Variants in UGCG observed in about 807,000 individuals in gnomAD.
UGCG encodes ceramide glucosyltransferase.
UGCG carries 10 observed loss-of-function variants against 49.5 expected under a neutral mutation model. The observed-to-expected ratio is 0.20, with a 90% CI of 0.12 to 0.34. The LOEUF is 0.34. UGCG is among the 10% of genes least tolerant of loss of function. UGCG has a pLI of 1.00. For synonymous variants in UGCG, 182 were observed against 158.2 expected, an observed-to-expected ratio of 1.15 and a Z score of -1.13; for missense variants, 312 against 483.7, an observed-to-expected ratio of 0.65 and a Z score of 3.33.
intron 1 of UGCG, 47 bp downstream of exon 1, chr9:111,897,360 C>A: frequency 6.8e-7 from 1 of 1,474,370 alleles, no homozygotes; most frequent in Non-Finnish European, 9.2e-7. Flanking sequence ...GTCCGGGCCT[C>A]GGAGACAGGC....
At chr9:111,911,506 A>T (rs2118524207) in intron 1 of UGCG, among the ~76,000 whole-genome samples, 1 of 152,258 alleles carries the variant, frequency 6.6e-6, no homozygotes, top group Admixed American at 6.5e-5. Context: ...ATGCTGGGGA[A>T]GCAGTAATGG....
intron 6 of UGCG, 126 bp downstream of exon 6, chr9:111,929,804 T>C: frequency 2.8e-6 from 3 of 1,067,056 alleles, no homozygotes; most frequent in Non-Finnish European, 3.9e-6. Flanking sequence ...AAGTACAGAA[T>C]AGGTCAATAA....
In UGCG at chr9:111,897,286, T is replaced by C; in HGVS notation, c.71T>C (p.Leu24Pro). The C allele has an allele frequency of 6.4e-7, 1 of 1,560,240 alleles. No homozygotes were observed. Among genetic ancestry groups the C allele is most frequent in the South Asian group, 1.2e-5 (1 of 84,748 alleles). Reference sequence around the variant, plus strand: ...TTCGTCCTCTTCTTGGTGCTGTGGCTGATGCATTTCATGGCTATCATCTAC... The same window carrying C: ...TTCGTCCTCTTCTTGGTGCTGTGGCCGATGCATTTCATGGCTATCATCTAC... ...FGFVLFLVLW[L>P]MHFMAIIYTR... is the part of the protein sequence containing the mutation. Residue 24 changes from leucine (L) to proline (P), a missense_variant, in exon 1 of 9, where the codon CTG becomes CCG. By Grantham distance (98) the Leu-to-Pro change is moderately conservative (BLOSUM62 -3). Around this residue, in one of 4 missense-constraint regions of UGCG, gnomAD observed 65 missense variants for 74.7 expected, o/e 0.87. Transcript: ENST00000374279.
In UGCG at chr9:111,932,874, C is replaced by T. The variant is rs745793894; in HGVS notation, c.1062C>T (p.Phe354=). 4.3e-6 allele frequency: 7 copies of T among 1,611,376 alleles called. No homozygotes were observed. The highest frequency in any genetic ancestry group is 5.9e-6 in the Non-Finnish European group (7 of 1,178,584). The change falls in exon 9 of 9, where the codon TTC becomes TTT. Residue 354 remains phenylalanine, a synonymous_variant. Transcript: ENST00000374279. ...FSKLDYAVAW[F]IRESMTIYIF... The stretch of plus-strand genomic sequence containing the variant: ...AACTTGATTATGCAGTCGCCTGGTT[C>T]ATCCGCGAATCCATGACAATATACA...
At chr9:111,926,228 G>A (rs1212609426) in intron 4 of UGCG, among the ~76,000 whole-genome samples, 156 bp from the exon 5 acceptor site, 1 of 152,180 alleles carries the variant, frequency 6.6e-6, no homozygotes, top group Non-Finnish European at 1.5e-5. Context: ...CCTCAGAAAG[G>A]TGGTTGAGAT....
rs142111180 is a variant in UGCG at position 111,929,621 on chromosome 9, T to C, written c.680T>C (p.Ile227Thr). 7,863 of 1,614,144 alleles carry C rather than the reference T, an allele frequency of 4.9e-3. 27 individuals carry two copies. The highest frequency in any genetic ancestry group is 6.1e-3 in the Non-Finnish European group (7,190 of 1,180,018). Residue 227 changes from isoleucine (I) to threonine (T), a missense_variant, in exon 6 of 9, where the codon ATA becomes ACA. Ile to Thr is a moderately conservative substitution (Grantham distance 89). Coordinates refer to ENST00000374279, the MANE Select transcript of UGCG (RefSeq NM_003358.3). ...GTGTTGGATCAAGCAGGAGGACTTA[T>C]AGCTTTTGCTCAGTACATTGCCGAA... ...KDVLDQAGGL[I>T]AFAQYIAEDY... is the part of the protein sequence containing the mutation.
At chr9:111,911,888 A>G (rs950469918) in intron 1 of UGCG, among the ~76,000 whole-genome samples, 1 of 94,358 alleles carries the variant, frequency 1.1e-5, no homozygotes, top group African/African-American at 4.3e-5. Flanking sequence ...CCTATCTCAT[A>G]TGTGTATATT....
intron 1 of UGCG, among the ~76,000 whole-genome samples, chr9:111,901,893 G>A (rs967437365): frequency 4.6e-5 from 7 of 152,088 alleles, no homozygotes; most frequent in African/African-American, 1.4e-4. Context: ...ATTTCTTATT[G>A]TAGCCTTTAT....
At chr9:111,931,882 C>G in intron 7 of UGCG, among the ~76,000 whole-genome samples, 1 of 151,836 alleles carries the variant, frequency 6.6e-6, no homozygotes, top group East Asian at 1.9e-4. Flanking sequence ...CAAAAATTAG[C>G]CAGGTGTGGT....
Position 111,934,877 on chromosome 9 carries a change from ATGTTT to A in UGCG, c.*1887_*1891del, listed in dbSNP as rs1838491398. On this transcript the variant is annotated 3_prime_UTR_variant, in exon 9 of 9. Coordinates refer to ENST00000374279, the MANE Select transcript of UGCG (RefSeq NM_003358.3). ...AACCAGTCTGGTTGTGACCCACTAC[ATGTTT>A]TGTTTTTAATCACTATTACCTGAGT... 1 of 152,154 alleles carries A rather than the reference ATGTTT, an allele frequency of 6.6e-6. No homozygotes were observed. The highest frequency in any genetic ancestry group is 6.5e-5 in the Admixed American group (1 of 15,274). 9.4% of individuals were successfully genotyped at this position (152,154 alleles called of 1,614,324 possible).
intron 1 of UGCG, among the ~76,000 whole-genome samples, chr9:111,899,437 A>G (rs1837727597): frequency 1.3e-5 from 2 of 152,216 alleles, no homozygotes; most frequent in Admixed American, 1.3e-4. Context: ...AGTTACATTT[A>G]GATGTAAATT....
chr9:111,918,239 A>G (rs1415273455), intron 2 of UGCG, among the ~76,000 whole-genome samples: 1 of 152,088 alleles, frequency 6.6e-6, no homozygotes, highest in Non-Finnish European at 1.5e-5. Flanking sequence ...AGAGGATTTC[A>G]TCATGTTGGC....
At chr9:111,925,150 C>T (rs773822087) in intron 4 of UGCG, among the ~76,000 whole-genome samples, 1 of 152,120 alleles carries the variant, frequency 6.6e-6, no homozygotes, top group African/African-American at 2.4e-5. Context: ...ATATAATCTG[C>T]AAGCTTTCCC....
At position 111,914,695 on chromosome 9, in the gene UGCG, T is replaced by C; in HGVS notation, c.189T>C (p.Asp63=). 6.2e-7 allele frequency: 1 copy of C among 1,614,152 alleles called. No individual in the cohort carries two copies. Among genetic ancestry groups the C allele is most frequent in the South Asian group, 1.1e-5 (1 of 91,086 alleles). Residue 63 remains aspartate (D), a synonymous_variant, in exon 2 of 9, where the codon GAT becomes GAC. Transcript: ENST00000374279. ...TTCTGAAACCACTGAAAGGGGTAGA[T>C]CCTAACTTAATCAACAACCTGGAAA... ...VSLLKPLKGV[D]PNLINNLETF... is the part of the protein sequence containing the mutation.
Position 111,897,236 on chromosome 9 carries a change from C to G in UGCG, c.21C>G (p.Ala7=). 1 of 1,552,022 alleles carries G rather than the reference C, an allele frequency of 6.4e-7. No individual in the cohort carries two copies. The highest frequency in any genetic ancestry group is 1.4e-5 in the African/African-American group (1 of 73,344). The change falls in exon 1 of 9, where the codon GCC becomes GCG. Residue 7 remains alanine, a synonymous_variant. Transcript: ENST00000374279. ...GGGGGATGGCGCTGCTGGACCTGGC[C>G]TTGGAGGGAATGGCCGTCTTCGGGT... MALLDL[A]LEGMAVFGFV... is the part of the protein sequence containing the mutation.
rs1838478369 is a variant in UGCG at position 111,934,351 on chromosome 9, TG to T, written c.*1355del. 2 of 151,792 alleles carry T rather than the reference TG, an allele frequency of 1.3e-5. No homozygotes were observed. The highest frequency in any genetic ancestry group is 4.8e-5 in the African/African-American group (2 of 41,318). The allele number at this position is 151,792 out of a possible 1,614,324, so 9.4% of individuals were successfully genotyped here. Reference sequence around the variant, plus strand: ...AACTGGACTTGATTCTGTTTTGTTTTGTTTTTTTAAAAAAAAAAAACAAAAA... The same window carrying T: ...AACTGGACTTGATTCTGTTTTGTTTTTTTTTTTAAAAAAAAAAAACAAAAA... On this transcript the variant is annotated 3_prime_UTR_variant, in exon 9 of 9. Coordinates refer to ENST00000374279, the MANE Select transcript of UGCG (RefSeq NM_003358.3).
rs1329952563 is a variant in UGCG at position 111,921,648 on chromosome 9, CA to C, written c.241-1186del. ...CCTGGGTGACAGTGAGACTCTGTCT[CA>C]AAAAAAAAAAAAAAGTTGGGTTGTT... On this transcript the variant is annotated intron_variant, in intron 2 of 8. Coordinates refer to ENST00000374279, the MANE Select transcript of UGCG (RefSeq NM_003358.3). Among the ~76,000 whole-genome samples the C allele has an allele frequency of 1.8e-3, 214 of 121,284 alleles. 1 individual carries two copies. Among genetic ancestry groups the C allele is most frequent in the East Asian group, 0.015 (60 of 4,130 alleles). 79.6% of individuals were successfully genotyped at this position (121,284 alleles called of 152,430 possible).
chr9:111,928,311 A>G (rs1396184635), intron 5 of UGCG, among the ~76,000 whole-genome samples: 1 of 152,256 alleles, frequency 6.6e-6, no homozygotes, highest in African/African-American at 2.4e-5. Context: ...GCCACTTTAA[A>G]ATAAAATACA....
chr9:111,925,407 T>C (rs1345581986), intron 4 of UGCG, among the ~76,000 whole-genome samples: 29 of 152,274 alleles, frequency 1.9e-4, no homozygotes, highest in Admixed American at 1.8e-3. Flanking sequence ...TATTTTCTTA[T>C]ATTCTAATTG....
Sources: allele counts gnomAD v4.1 joint callset (sites outside exome capture counted in the v4.1 genomes callset), GRCh38; gene constraint gnomAD v4.1.1; regional missense constraint gnomAD v4.1.1; transcripts MANE v1.5; gene names NCBI Gene and HGNC (gene_info 2026-07-23, HGNC 2026-07-21).